Variants in MAPKAPK2 observed in about 807,000 individuals in gnomAD.
The protein encoded by MAPKAPK2 is MAP kinase-activated protein kinase 2.
In MAPKAPK2, 9 loss-of-function variants were observed where a neutral mutation model predicts 48.8. The observed-to-expected ratio is 0.18, with a 90% CI of 0.11 to 0.32. The LOEUF (loss-of-function observed/expected upper bound fraction) is 0.32, where lower values mean the gene tolerates loss of function less well. MAPKAPK2 is among the 10% of genes least tolerant of loss of function. MAPKAPK2 has a pLI of 1.00. For synonymous variants in MAPKAPK2, 202 were observed against 190.6 expected (o/e 1.06, Z -0.49); for missense variants, 331 against 498.3 (o/e 0.66, Z 3.20).
At position 206,732,004 on chromosome 1, in the gene MAPKAPK2, AG is replaced by A; in HGVS notation, c.1059+89del. 2 of 1,614,030 alleles carry A rather than the reference AG, an allele frequency of 1.2e-6. No homozygotes were observed. Among genetic ancestry groups the A allele is most frequent in the Non-Finnish European group, 1.7e-6 (2 of 1,179,984 alleles). ...CCCAGGTGTGAGGCGTGGTGCTGGTAGGGGAGAGCTTGATTCTGCCTCTCTC... is the reference window on the plus strand; with the variant it reads ...CCCAGGTGTGAGGCGTGGTGCTGGTAGGGAGAGCTTGATTCTGCCTCTCTC... On this transcript the variant is annotated intron_variant, in intron 9 of 9. Coordinates refer to ENST00000367103, the MANE Select transcript of MAPKAPK2 (RefSeq NM_032960.4). The surrounding 1 kb of genome is among the most constrained non-coding windows in gnomAD (Gnocchi z 4.4).
chr1:206,729,315 G>C (rs1386654289), intron 3 of MAPKAPK2, 81 bp from the exon 4 acceptor site: 2 of 1,238,074 alleles, frequency 1.6e-6, no homozygotes, highest in African/African-American at 3.0e-5. Flanking sequence ...ACAGAGGTGG[G>C]ACCCGGTGCA....
intron 1 of MAPKAPK2, among the ~76,000 whole-genome samples, chr1:206,706,544 G>A (rs1241963754): frequency 3.9e-5 from 6 of 152,134 alleles, no homozygotes; most frequent in Admixed American, 1.3e-4. Context: ...TCTGACCCCC[G>A]TGGGCTTGCT....
chr1:206,729,228 G>T lies in MAPKAPK2; in HGVS notation c.484+129G>T, dbSNP rs533900252. 18 of 1,169,150 alleles carry T rather than the reference G, an allele frequency of 1.5e-5. No individual in the cohort carries two copies. In the East Asian group the frequency reaches 3.7e-4, roughly 24 times the overall value. 72.4% of individuals were successfully genotyped at this position (1,169,150 alleles called of 1,614,324 possible). On this transcript the variant is annotated intron_variant, in intron 3 of 9. Coordinates refer to ENST00000367103, the MANE Select transcript of MAPKAPK2 (RefSeq NM_032960.4). ...TGCCCCCTCCAGCATGCTGCAAGGG[G>T]TGCCTCAGCTGACCAGGGAAGCTCC...
At chr1:206,699,188 C>T (rs1312616399) in intron 1 of MAPKAPK2, among the ~76,000 whole-genome samples, 1 of 152,162 alleles carries the variant, frequency 6.6e-6, no homozygotes, top group Admixed American at 6.5e-5. Context: ...GCATTTTTGT[C>T]ATTTGACCCT....
At chr1:206,711,107 C>T (rs548320315) in intron 1 of MAPKAPK2, among the ~76,000 whole-genome samples, 4 of 152,346 alleles carry the variant, frequency 2.6e-5, no homozygotes, top group African/African-American at 9.6e-5. Flanking sequence ...GCAAGAGCTG[C>T]CTGTATTTAC....
intron 1 of MAPKAPK2, among the ~76,000 whole-genome samples, chr1:206,687,050 G>A (rs1255553293): frequency 6.6e-6 from 1 of 152,206 alleles, no homozygotes; most frequent in African/African-American, 2.4e-5. Flanking sequence ...GGTGAATACA[G>A]TTTGACCACA....
In MAPKAPK2 at chr1:206,732,760, C is replaced by A; in HGVS notation, c.*42C>A. 1 of 1,608,748 alleles carries A rather than the reference C, an allele frequency of 6.2e-7. No homozygotes were observed. The highest frequency in any genetic ancestry group is 8.5e-7 in the Non-Finnish European group (1 of 1,176,944). ...GCCCACGGGAGGACAAGCAATAACT[C>A]TCTACAGGAATATATTTTTTAAACG... is the stretch of plus-strand genomic sequence containing the variant. On this transcript the variant is annotated 3_prime_UTR_variant, in exon 10 of 10. Transcript: ENST00000367103. The surrounding 1 kb of genome is among the most constrained non-coding windows in gnomAD (Gnocchi z 4.4).
At position 206,709,350 on chromosome 1, in the gene MAPKAPK2, C is replaced by T. The variant is rs114934123; in HGVS notation, c.280-19360C>T. On this transcript the variant is annotated intron_variant, in intron 1 of 9. Coordinates refer to ENST00000367103, the MANE Select transcript of MAPKAPK2 (RefSeq NM_032960.4). ...GTTGTCCTCCTCTGGAAGTATAATA[C>T]TCTTTTACAGATGTGTTGCCCAGAA... 4.1e-3 allele frequency among the ~76,000 whole-genome samples: 624 copies of T among 152,266 alleles called. 1 individual carries two copies. Among genetic ancestry groups the T allele is most frequent in the African/African-American group, 0.012 (484 of 41,548 alleles).
chr1:206,693,936 C>T (rs948703887), intron 1 of MAPKAPK2, among the ~76,000 whole-genome samples: 22 of 152,116 alleles, frequency 1.4e-4, no homozygotes, highest in African/African-American at 3.1e-4. Context: ...AGAATGTCAC[C>T]GAGTGCATGG....
chr1:206,690,390 A>G (rs1428567484), intron 1 of MAPKAPK2, among the ~76,000 whole-genome samples: 2 of 152,280 alleles, frequency 1.3e-5, no homozygotes, highest in Admixed American at 6.5e-5. Flanking sequence ...CTGAGCTTGG[A>G]GACAATCTCC....
intron 1 of MAPKAPK2, among the ~76,000 whole-genome samples, chr1:206,720,830 A>C (rs1183430656): frequency 4.6e-5 from 7 of 152,210 alleles, no homozygotes; most frequent in Admixed American, 2.6e-4. Context: ...ATAGGATAGT[A>C]TTCTAGACAA....
intron 2 of MAPKAPK2, 35 bp downstream of exon 2, chr1:206,728,884 G>C: frequency 1.2e-6 from 2 of 1,612,564 alleles, no homozygotes. Flanking sequence ...GGCCCAGCCT[G>C]TTCCCACTCC....
In MAPKAPK2 at chr1:206,730,750, A is replaced by G. The variant is rs375137265; in HGVS notation, c.754A>G (p.Ile252Val). The stretch of plus-strand genomic sequence containing the variant: ...CTGTGACATGTGGTCCCTGGGTGTC[A>G]TCATGTACATCCTGTGAGTGTGCTG... Reference protein sequence around the residue: ...KSCDMWSLGVIMYILLCGYPP... With the variant: ...KSCDMWSLGVVMYILLCGYPP... The change falls in exon 6 of 10, where the codon ATC becomes GTC. Residue 252 changes from isoleucine to valine, a missense_variant. Transcript: ENST00000367103. 60 of 1,588,110 alleles carry G rather than the reference A, an allele frequency of 3.8e-5. No homozygotes were observed. The highest frequency in any genetic ancestry group is 4.7e-5 in the Non-Finnish European group (55 of 1,162,102).
At chr1:206,699,376 C>T (rs553294160) in intron 1 of MAPKAPK2, among the ~76,000 whole-genome samples, 2 of 152,286 alleles carry the variant, frequency 1.3e-5, no homozygotes, top group Admixed American at 1.3e-4. Context: ...GCAGAGGATA[C>T]TTCATGGACA....
At chr1:206,689,315 C>G (rs898753911) in intron 1 of MAPKAPK2, among the ~76,000 whole-genome samples, 1 of 152,170 alleles carries the variant, frequency 6.6e-6, no homozygotes, top group Admixed American at 6.5e-5. Flanking sequence ...ATGATTGGAG[C>G]CTCTCATGAT....
At chr1:206,713,924 G>A (rs1558581828) in intron 1 of MAPKAPK2, among the ~76,000 whole-genome samples, 1 of 152,148 alleles carries the variant, frequency 6.6e-6, no homozygotes, top group African/African-American at 2.4e-5. Flanking sequence ...TAGCAGGACT[G>A]GAAAAGGAAA....
chr1:206,723,741 T>C (rs1463951036), intron 1 of MAPKAPK2, among the ~76,000 whole-genome samples: 1 of 152,174 alleles, frequency 6.6e-6, no homozygotes, highest in African/African-American at 2.4e-5. Flanking sequence ...ATACCTTGAA[T>C]AGGGGGAGGG....
intron 1 of MAPKAPK2, among the ~76,000 whole-genome samples, chr1:206,686,459 G>A (rs1401726702): frequency 6.6e-6 from 1 of 152,164 alleles, no homozygotes; most frequent in African/African-American, 2.4e-5. Context: ...TCATGAGATG[G>A]GTGGGTCCGC....
chr1:206,700,244 G>A (rs952474200), intron 1 of MAPKAPK2, among the ~76,000 whole-genome samples: 17 of 152,052 alleles, frequency 1.1e-4, no homozygotes, highest in African/African-American at 4.1e-4. Context: ...TCAGTGCTTG[G>A]ACTGAGGGAA....
Sources: gnomAD v4.1 joint callset for allele counts (sites outside exome capture counted in the v4.1 genomes callset) on GRCh38, gnomAD v4.1.1 for gene constraint, Gnocchi (gnomAD v3.1) non-coding constraint, MANE v1.5 for transcripts, NCBI Gene and HGNC (gene_info 2026-07-23, HGNC 2026-07-21) for gene names.